The following CHST11 variants were observed in gnomAD, a reference collection of about 807,000 sequenced individuals.
The protein encoded by CHST11 is C4S-1.
A neutral mutation model predicts 30.4 loss-of-function variants in CHST11; 9 were observed. That is an observed-to-expected ratio of 0.30 (90% CI 0.18 to 0.52). The LOEUF (loss-of-function observed/expected upper bound fraction) is 0.52. Ranked by LOEUF, CHST11 falls within the 20% of genes least tolerant of loss-of-function variation. The pLI is 0.97. For missense variants in CHST11, 348 were observed against 460.6 expected, an observed-to-expected ratio of 0.76 and a Z score of 2.24; for synonymous variants, 152 against 187.8, an observed-to-expected ratio of 0.81 and a Z score of 1.56.
At chr12:104,685,649 G>A (rs1249303869) in intron 2 of CHST11, among the ~76,000 whole-genome samples, 2 of 152,100 alleles carry the variant, frequency 1.3e-5, no homozygotes, top group African/African-American at 4.8e-5. Context: ...ATGTATGTGG[G>A]GTGCTTGGCA....
chr12:104,731,052 G>A (rs1446854783), intron 2 of CHST11, among the ~76,000 whole-genome samples: 1 of 152,198 alleles, frequency 6.6e-6, no homozygotes, highest in Non-Finnish European at 1.5e-5. Flanking sequence ...CTTACGAGCT[G>A]TCTTCCTCAG....
chr12:104,723,648 G>A (rs112875449), intron 2 of CHST11, among the ~76,000 whole-genome samples: 4 of 152,318 alleles, frequency 2.6e-5, no homozygotes, highest in African/African-American at 9.6e-5. Context: ...AAGAGGTGGT[G>A]CCCAAATTAG....
At chr12:104,603,594 C>T (rs569372051) in intron 2 of CHST11, among the ~76,000 whole-genome samples, 1 of 152,160 alleles carries the variant, frequency 6.6e-6, no homozygotes, top group Admixed American at 6.5e-5. Flanking sequence ...GATGAGTTAT[C>T]TTTAGGGGTC....
chr12:104,709,684 T>A (rs1157046660), intron 2 of CHST11, among the ~76,000 whole-genome samples: 1 of 152,066 alleles, frequency 6.6e-6, no homozygotes, highest in African/African-American at 2.4e-5. Flanking sequence ...CACCCTGCGG[T>A]CCATTTCTAT....
intron 1 of CHST11, among the ~76,000 whole-genome samples, chr12:104,551,450 G>C (rs1007142701): frequency 1.3e-5 from 2 of 152,018 alleles, no homozygotes; most frequent in Non-Finnish European, 2.9e-5. Flanking sequence ...TGGTTAGAAA[G>C]GTCAGCTTCA....
chr12:104,564,691 G>C (rs1414630829), intron 1 of CHST11, among the ~76,000 whole-genome samples: 2 of 152,168 alleles, frequency 1.3e-5, no homozygotes, highest in African/African-American at 4.8e-5. Context: ...ATGCACATCG[G>C]TGATCCTTTG....
chr12:104,614,373 G>A (rs2039087749), intron 2 of CHST11, among the ~76,000 whole-genome samples: 1 of 152,058 alleles, frequency 6.6e-6, no homozygotes, highest in African/African-American at 2.4e-5. Context: ...GCAAGATCCT[G>A]TCTCTACAAA....
chr12:104,508,150 T>C (rs1372933439), intron 1 of CHST11, among the ~76,000 whole-genome samples: 1 of 152,196 alleles, frequency 6.6e-6, no homozygotes, highest in Admixed American at 6.5e-5. Context: ...ACTGTTCTAT[T>C]ACCCCCGTCC....
chr12:104,754,945 G>A (rs1460676210), intron 2 of CHST11, among the ~76,000 whole-genome samples: 2 of 152,164 alleles, frequency 1.3e-5, no homozygotes, highest in Non-Finnish European at 2.9e-5. Context: ...CTACAGAGTA[G>A]CTCCTTAGTC....
At chr12:104,697,612 A>G (rs79529888) in intron 2 of CHST11, among the ~76,000 whole-genome samples, 5,352 of 152,242 alleles carry the variant, frequency 0.035, 242 homozygotes, top group East Asian at 0.25. Context: ...TATGTCTTAT[A>G]TATCCTACTG....
chr12:104,624,865 C>T (rs934504948), intron 2 of CHST11, among the ~76,000 whole-genome samples: 5 of 152,216 alleles, frequency 3.3e-5, no homozygotes, highest in Admixed American at 6.5e-5. Flanking sequence ...GGCTCACAGA[C>T]GGCCACCTTT....
intron 1 of CHST11, among the ~76,000 whole-genome samples, chr12:104,535,403 CA>C: frequency 6.6e-6 from 1 of 152,252 alleles, no homozygotes; most frequent in South Asian, 2.1e-4. Context: ...GTTTTAACTG[CA>C]AACTGTTTTA....
rs968625606 is a variant in CHST11, at chr12:104,723,030, T to TA, written c.205-33918dup. Among the ~76,000 whole-genome samples the TA allele has an allele frequency of 6.6e-5, 10 of 152,194 alleles. 1 individual carries two copies. Among genetic ancestry groups the TA allele is most frequent in the East Asian group, 1.9e-4 (1 of 5,168 alleles). ...GCTGGCGTGCCCTGTCAGACCCACTTACCCCAGACAGGAGCCTGACATGCC... is the reference window on the plus strand; with the variant it reads ...GCTGGCGTGCCCTGTCAGACCCACTTAACCCCAGACAGGAGCCTGACATGCC... On this transcript the variant is annotated intron_variant, in intron 2 of 2. Transcript: ENST00000303694.
chr12:104,641,279 G>A (rs1349989047), intron 2 of CHST11, among the ~76,000 whole-genome samples: 1 of 152,212 alleles, frequency 6.6e-6, no homozygotes, highest in Non-Finnish European at 1.5e-5. Flanking sequence ...GCAAAAGGGT[G>A]TCTGTCACAT....
At chr12:104,709,690 T>C (rs2040069167) in intron 2 of CHST11, among the ~76,000 whole-genome samples, 1 of 152,066 alleles carries the variant, frequency 6.6e-6, no homozygotes, top group Non-Finnish European at 1.5e-5. Flanking sequence ...GCGGTCCATT[T>C]CTATGAAATG....
chr12:104,495,009 G>A (rs1035253946), intron 1 of CHST11, among the ~76,000 whole-genome samples: 3 of 152,048 alleles, frequency 2.0e-5, no homozygotes, highest in Non-Finnish European at 2.9e-5. Flanking sequence ...AGTAACCACC[G>A]TTCTACTTTC....
At chr12:104,597,053 G>T (rs2136043895) in intron 1 of CHST11, among the ~76,000 whole-genome samples, 1 of 152,278 alleles carries the variant, frequency 6.6e-6, no homozygotes, top group South Asian at 2.1e-4. Context: ...ACTGAGAGGG[G>T]TCACAGGGAG....
intron 1 of CHST11, among the ~76,000 whole-genome samples, chr12:104,558,579 C>A (rs1273913334): frequency 7.0e-6 from 1 of 143,750 alleles, no homozygotes; most frequent in African/African-American, 2.6e-5. Context: ...ACTCTTGTCC[C>A]CCAGGCTGCA....
At chr12:104,457,586 C>G in intron 1 of CHST11, 57 bp downstream of exon 1, 2 of 1,230,948 alleles carry the variant, frequency 1.6e-6, no homozygotes, top group South Asian at 1.2e-5. Context: ...CGCGCTCTAG[C>G]TCGCTCCGCC....
Sources: gnomAD v4.1 joint callset for allele counts (sites outside exome capture counted in the v4.1 genomes callset) on GRCh38, gnomAD v4.1.1 for gene constraint, MANE v1.5 for transcripts, NCBI Gene and HGNC (gene_info 2026-07-23, HGNC 2026-07-21) for gene names.